CDH12: variants seen among roughly 807,000 people sequenced by gnomAD.
The protein encoded by CDH12 is cadherin-12.
Under a neutral mutation model 74.1 loss-of-function variants are expected in CDH12, and 41 were observed. The ratio of observed to expected loss-of-function variants is 0.55; its 90% CI spans 0.43 to 0.72. The LOEUF (loss-of-function observed/expected upper bound fraction) is 0.72. Ranked by LOEUF, CDH12 falls within the 30% of genes least tolerant of loss-of-function variation. CDH12 has a pLI of 0.00. For missense variants in CDH12, 945 were observed against 977.2 expected (o/e 0.97, Z 0.44); for synonymous variants, 399 against 355.0 (o/e 1.12, Z -1.39).
chr5:22,684,171 A>G (rs1404443052), intron 1 of CDH12, among the ~76,000 whole-genome samples: 2 of 151,752 alleles, frequency 1.3e-5, no homozygotes, highest in African/African-American at 2.4e-5. Context: ...TTTTTTCCTA[A>G]TTTTTGAGGG....
At chr5:22,417,932 G>A (rs1205153125) in intron 2 of CDH12, among the ~76,000 whole-genome samples, 2 of 152,090 alleles carry the variant, frequency 1.3e-5, no homozygotes, top group Non-Finnish European at 2.9e-5. Context: ...CCATACATGG[G>A]TTACCTGGAA....
intron 1 of CDH12, among the ~76,000 whole-genome samples, chr5:22,769,210 G>A (rs943276196): frequency 6.6e-6 from 1 of 152,144 alleles, no homozygotes; most frequent in African/African-American, 2.4e-5. Flanking sequence ...TGAGTCAGTG[G>A]ACTGGGAGAG....
At chr5:21,806,728 C>A (rs1008659788) in intron 9 of CDH12, among the ~76,000 whole-genome samples, 4 of 152,184 alleles carry the variant, frequency 2.6e-5, no homozygotes, top group Non-Finnish European at 5.9e-5. Context: ...ACACTGAAAA[C>A]ACCTTTGCAA....
chr5:22,672,667 G>C (rs1307349099), intron 1 of CDH12, among the ~76,000 whole-genome samples: 3 of 152,058 alleles, frequency 2.0e-5, no homozygotes, highest in African/African-American at 7.2e-5. Flanking sequence ...CTAGTCTGTG[G>C]TATTTTGTTA....
chr5:22,790,675 A>G (rs1278983201), intron 1 of CDH12, among the ~76,000 whole-genome samples: 1 of 151,956 alleles, frequency 6.6e-6, no homozygotes, highest in Non-Finnish European at 1.5e-5. Flanking sequence ...TATTAGCCAG[A>G]TGTTTGTGGT....
At chr5:22,835,316 T>G (rs1736774971) in intron 1 of CDH12, among the ~76,000 whole-genome samples, 1 of 152,154 alleles carries the variant, frequency 6.6e-6, no homozygotes, top group Non-Finnish European at 1.5e-5. Context: ...GTCACATTAT[T>G]GAAAGATTTG....
chr5:21,832,784 ATATCATATAATATATATAT>A (rs1310707146), intron 8 of CDH12, among the ~76,000 whole-genome samples: 3 of 108,302 alleles, frequency 2.8e-5, no homozygotes, highest in Middle Eastern at 5.3e-3. Flanking sequence ...ATATTAATAT[ATATCATATAATATATATAT>A]TATCATATAA....
intron 1 of CDH12, among the ~76,000 whole-genome samples, chr5:22,775,347 C>T (rs1206679953): frequency 1.3e-5 from 2 of 151,994 alleles, no homozygotes; most frequent in Non-Finnish European, 2.9e-5. Flanking sequence ...AAATCACAGT[C>T]CATAACATTA....
intron 6 of CDH12, among the ~76,000 whole-genome samples, chr5:21,898,253 C>G (rs1753215869): frequency 6.6e-6 from 1 of 151,968 alleles, no homozygotes; most frequent in South Asian, 2.1e-4. Flanking sequence ...CAGGGTCTCA[C>G]TCTGTGAGAC....
At chr5:22,457,178 C>T (rs995737711) in intron 2 of CDH12, among the ~76,000 whole-genome samples, 2 of 151,942 alleles carry the variant, frequency 1.3e-5, no homozygotes, top group Non-Finnish European at 2.9e-5. Context: ...GGAAACATTC[C>T]AAAGGTTTCA....
chr5:22,222,007 A>C (rs928149241), intron 3 of CDH12, among the ~76,000 whole-genome samples: 7 of 151,894 alleles, frequency 4.6e-5, no homozygotes, highest in Non-Finnish European at 8.8e-5. Flanking sequence ...CCAAACTCCA[A>C]TATGTGTTTA....
chr5:22,098,311 C>A (rs562798286), intron 4 of CDH12, among the ~76,000 whole-genome samples: 1 of 152,138 alleles, frequency 6.6e-6, no homozygotes, highest in Non-Finnish European at 1.5e-5. Flanking sequence ...CCATGCTGAT[C>A]GTGTCCAGCT....
At chr5:21,812,074 G>T (rs1024256105) in intron 9 of CDH12, among the ~76,000 whole-genome samples, 6 of 151,878 alleles carry the variant, frequency 4.0e-5, no homozygotes, top group African/African-American at 1.5e-4. Context: ...GCAAATAAAA[G>T]ATTTTGAAGA....
intron 3 of CDH12, among the ~76,000 whole-genome samples, chr5:22,304,359 C>T (rs1026547309): frequency 3.9e-5 from 6 of 152,194 alleles, no homozygotes; most frequent in African/African-American, 9.6e-5. Flanking sequence ...TGTGTGTGCA[C>T]GTACTTATGT....
chr5:22,102,665 T>TAAAA (rs1744204716), intron 4 of CDH12, among the ~76,000 whole-genome samples: 1 of 28,146 alleles, frequency 3.6e-5, no homozygotes, highest in Admixed American at 3.3e-4. Flanking sequence ...CCGTCTCCAA[T>TAAAA]AAATAAATAA....
chr5:21,995,825 GC>G (rs1736255905), intron 5 of CDH12, among the ~76,000 whole-genome samples: 1 of 151,814 alleles, frequency 6.6e-6, no homozygotes, highest in South Asian at 2.1e-4. Flanking sequence ...ATAAAAAAAA[GC>G]CCACAACTAC....
rs114242026 is a variant in CDH12 at position 22,786,759 on chromosome 5, C to G, written c.-523+66299G>C. Among the ~76,000 whole-genome samples, 712 of 151,076 alleles carry G rather than the reference C, an allele frequency of 4.7e-3. 5 individuals carry two copies. The highest frequency in any genetic ancestry group is 0.016 in the African/African-American group (674 of 41,022). On this transcript the variant is annotated intron_variant, in intron 1 of 14. Coordinates refer to ENST00000382254, the MANE Select transcript of CDH12 (RefSeq NM_004061.5). ...TTGAGATGGTGTTTCACTCTTATTG[C>G]CCAAGTAGGAGTGTAATGGCGTGAT...
chr5:22,794,614 T>C (rs1748094146), intron 1 of CDH12, among the ~76,000 whole-genome samples: 1 of 151,982 alleles, frequency 6.6e-6, no homozygotes, highest in Non-Finnish European at 1.5e-5. Context: ...AGGACCAAGA[T>C]TTAGAGAGAA....
At chr5:22,166,879 G>A (rs998907578) in intron 4 of CDH12, among the ~76,000 whole-genome samples, 11 of 151,962 alleles carry the variant, frequency 7.2e-5, no homozygotes, top group Non-Finnish European at 1.2e-4. Flanking sequence ...AAAAAATGAT[G>A]GCAAAAGTCA....
Sources: gnomAD v4.1 joint callset for allele counts (sites outside exome capture counted in the v4.1 genomes callset) on GRCh38, gnomAD v4.1.1 for gene constraint, MANE v1.5 for transcripts, NCBI Gene and HGNC (gene_info 2026-07-23, HGNC 2026-07-21) for gene names.